Variants in DOCK2 observed in about 807,000 individuals in gnomAD.
DOCK2 encodes the protein dedicator of cytokinesis 2, also known as dedicator of cytokinesis protein 2.
DOCK2 carries 87 observed loss-of-function variants against 248.9 expected under a neutral mutation model. The ratio of observed to expected loss-of-function variants is 0.35; its 90% CI spans 0.29 to 0.42. The LOEUF (loss-of-function observed/expected upper bound fraction) is 0.42. DOCK2 is among the 10% of genes least tolerant of loss of function. DOCK2 has a pLI of 1.00. For synonymous variants in DOCK2, 805 were observed against 821.6 expected (o/e 0.98, Z 0.35); for missense variants, 1,747 against 2,300.2 (o/e 0.76, Z 4.92).
Position 169,895,856 on chromosome 5 carries a change from T to G in DOCK2, c.2799+55004T>G, listed in dbSNP as rs146354775. ...CTCACATAACGCAGTGCCTGGCACA[T>G]AATAGATATAGTAAGAATCAGCCAG... On this transcript the variant is annotated intron_variant, in intron 27 of 51. Coordinates refer to ENST00000520908, the MANE Select transcript of DOCK2 (RefSeq NM_004946.3). 1.5e-4 allele frequency among the ~76,000 whole-genome samples: 23 copies of G among 152,332 alleles called. No individual in the cohort carries two copies. The East Asian group carries it at 4.2e-3, about 28-fold the overall frequency.
At chr5:169,985,589 G>A (rs899382384) in intron 28 of DOCK2, among the ~76,000 whole-genome samples, 11 of 152,070 alleles carry the variant, frequency 7.2e-5, no homozygotes, top group Non-Finnish European at 1.5e-4. Context: ...CCCAAAGATG[G>A]AATTAATAGT....
intron 27 of DOCK2, among the ~76,000 whole-genome samples, chr5:169,965,487 A>G (rs1777264973): frequency 6.6e-6 from 1 of 152,222 alleles, no homozygotes; most frequent in Non-Finnish European, 1.5e-5. Context: ...CTAGTGTTGG[A>G]GTCAGGTCAG....
At chr5:169,917,940 C>G (rs145691640) in intron 27 of DOCK2, among the ~76,000 whole-genome samples, 299 of 152,280 alleles carry the variant, frequency 2.0e-3, no homozygotes, top group South Asian at 7.5e-3. Context: ...GAGGGACTTA[C>G]AAACTATCAA....
chr5:169,855,691 G>A (rs575282582), intron 27 of DOCK2, among the ~76,000 whole-genome samples: 45 of 152,308 alleles, frequency 3.0e-4, no homozygotes, highest in African/African-American at 1.1e-3. Context: ...TCCCAATGGT[G>A]AAGTCTTTCA....
intron 26 of DOCK2, among the ~76,000 whole-genome samples, chr5:169,824,091 A>G (rs184770897): frequency 6.6e-6 from 1 of 152,104 alleles, no homozygotes; most frequent in Non-Finnish European, 1.5e-5. Context: ...TTCAAGGAGA[A>G]CTACAAACCA....
chr5:169,974,581 C>T (rs752960026), intron 27 of DOCK2, among the ~76,000 whole-genome samples: 3 of 152,078 alleles, frequency 2.0e-5, no homozygotes, highest in Non-Finnish European at 2.9e-5. Context: ...GTCATTTTAC[C>T]CTGGATGCAC....
intron 27 of DOCK2, chr5:169,882,880 A>G (rs1467290930): frequency 1.9e-6 from 3 of 1,551,596 alleles, no homozygotes; most frequent in Admixed American, 3.9e-5. Context: ...TTTGAGTGAC[A>G]CCAGATTCTG....
At chr5:169,965,470 C>G (rs1382778961) in intron 27 of DOCK2, among the ~76,000 whole-genome samples, 5 of 152,228 alleles carry the variant, frequency 3.3e-5, no homozygotes, top group African/African-American at 1.2e-4. Flanking sequence ...GAAGATCACA[C>G]AGCTGGCTAG....
intron 27 of DOCK2, among the ~76,000 whole-genome samples, chr5:169,916,755 C>T (rs949211796): frequency 1.3e-5 from 2 of 152,058 alleles, no homozygotes; most frequent in African/African-American, 4.8e-5. Flanking sequence ...AAGAATTTGG[C>T]ATATATAAGT....
chr5:169,661,301 C>G (rs749631400), intron 2 of DOCK2, among the ~76,000 whole-genome samples: 5 of 152,070 alleles, frequency 3.3e-5, no homozygotes, highest in Admixed American at 3.3e-4. Flanking sequence ...AGAGCTCATA[C>G]TCTTTAAAAA....
intron 27 of DOCK2, among the ~76,000 whole-genome samples, chr5:169,893,387 A>G (rs1196665975): frequency 6.6e-6 from 1 of 150,752 alleles, no homozygotes; most frequent in Non-Finnish European, 1.5e-5. Flanking sequence ...TTATCTCTGT[A>G]TTTCTCAGCA....
At chr5:170,019,294 G>A (rs866252538) in intron 33 of DOCK2, among the ~76,000 whole-genome samples, 186 bp downstream of exon 33, 7 of 152,110 alleles carry the variant, frequency 4.6e-5, no homozygotes, top group Middle Eastern at 3.2e-3. Context: ...AAGCTTTTCC[G>A]TCCAAGGACA....
chr5:169,913,139 C>T (rs1186188938), intron 27 of DOCK2, among the ~76,000 whole-genome samples: 2 of 152,172 alleles, frequency 1.3e-5, no homozygotes, highest in Non-Finnish European at 2.9e-5. Flanking sequence ...CAGGCACAAA[C>T]ATTTAAAGGA....
In DOCK2 at chr5:170,010,438, C is replaced by T. The variant is rs141983744; in HGVS notation, c.3232+1692C>T. On this transcript the variant is annotated intron_variant, in intron 32 of 51. Transcript: ENST00000520908. ...TGCAAGCACAGGCCCACACGACAGCCGGCACCTGGCCTCAGGGTCAGGAAG... is the reference window on the plus strand; with the variant it reads ...TGCAAGCACAGGCCCACACGACAGCTGGCACCTGGCCTCAGGGTCAGGAAG... Among the ~76,000 whole-genome samples the T allele has an allele frequency of 2.9e-3, 445 of 152,228 alleles. 2 individuals carry two copies. Among genetic ancestry groups the T allele is most frequent in the African/African-American group, 9.2e-3 (381 of 41,522 alleles).
intron 26 of DOCK2, among the ~76,000 whole-genome samples, chr5:169,836,509 C>T (rs1170274733): frequency 6.6e-6 from 1 of 152,164 alleles, no homozygotes; most frequent in Non-Finnish European, 1.5e-5. Flanking sequence ...AAGTTATATT[C>T]CTGAGAGGGT....
chr5:169,978,431 G>T, intron 27 of DOCK2, among the ~76,000 whole-genome samples: 1 of 141,486 alleles, frequency 7.1e-6, no homozygotes, highest in African/African-American at 2.6e-5. Context: ...ATTAGAGGTT[G>T]TTAAATAGAT....
chr5:169,933,337 G>A (rs1013905311), intron 27 of DOCK2, among the ~76,000 whole-genome samples: 2 of 152,176 alleles, frequency 1.3e-5, no homozygotes, highest in Admixed American at 6.5e-5. Context: ...TACAGATACC[G>A]GTGCCCCACC....
intron 27 of DOCK2, among the ~76,000 whole-genome samples, chr5:169,903,023 A>G (rs933473457): frequency 2.0e-5 from 3 of 152,030 alleles, no homozygotes; most frequent in Middle Eastern, 3.2e-3. Flanking sequence ...GCTTGAACAA[A>G]GGAGGTGGAG....
chr5:169,937,244 AAG>A (rs1561837759), intron 27 of DOCK2, among the ~76,000 whole-genome samples: 2 of 152,352 alleles, frequency 1.3e-5, no homozygotes, highest in East Asian at 3.9e-4. Context: ...ATGGCTTGAA[AAG>A]CCTTCAACAT....
Sources: gnomAD v4.1 joint callset for allele counts (sites outside exome capture counted in the v4.1 genomes callset) on GRCh38, gnomAD v4.1.1 for gene constraint, MANE v1.5 for transcripts, NCBI Gene and HGNC (gene_info 2026-07-23, HGNC 2026-07-21) for gene names.